SOX5: variants seen among roughly 807,000 people sequenced by gnomAD.
SOX5 encodes transcription factor SOX-5.
SOX5 carries 9 observed loss-of-function variants against 92.0 expected under a neutral mutation model. The observed-to-expected ratio is 0.10, with a 90% CI of 0.06 to 0.17. SOX5 has a LOEUF of 0.17. Ranked by LOEUF, SOX5 falls within the 10% of genes least tolerant of loss-of-function variation. The probability of loss-of-function intolerance (pLI) is 1.00; values close to 1 mark genes in which losing one functional copy is unlikely to be tolerated. For missense variants in SOX5, 642 were observed against 944.5 expected (o/e 0.68, Z 4.20); for synonymous variants, 344 against 336.3 (o/e 1.02, Z -0.25).
intron 3 of SOX5, among the ~76,000 whole-genome samples, chr12:24,267,905 G>T: frequency 6.6e-6 from 1 of 152,048 alleles, no homozygotes; most frequent in South Asian, 2.1e-4. Flanking sequence ...TAACTTTTGA[G>T]AGATTCTCAC....
At chr12:23,979,905 CTGGCTGGCCAGACAGA>C (rs771218444) in intron 4 of SOX5, among the ~76,000 whole-genome samples, 3 of 127,820 alleles carry the variant, frequency 2.3e-5, no homozygotes, top group Admixed American at 8.2e-5. Context: ...GGCTGGCTGG[CTGGCTGGCCAGACAGA>C]CAGACAGACA....
chr12:24,187,382 G>T (rs1956118339), intron 4 of SOX5, among the ~76,000 whole-genome samples: 1 of 152,132 alleles, frequency 6.6e-6, no homozygotes, highest in Non-Finnish European at 1.5e-5. Context: ...TTAAATATCT[G>T]CAAAAATATT....
chr12:23,731,713 C>A (rs2093400231), intron 6 of SOX5, among the ~76,000 whole-genome samples: 1 of 152,110 alleles, frequency 6.6e-6, no homozygotes. Flanking sequence ...ATCTGTCTAC[C>A]CCACTTGATG....
chr12:23,786,583 T>C (rs2095383217), intron 3 of SOX5, among the ~76,000 whole-genome samples: 1 of 145,864 alleles, frequency 6.9e-6, no homozygotes. Context: ...GAAATCATAG[T>C]GCTTTTGTAG....
rs1555114757 is a variant in SOX5 at position 23,530,798 on chromosome 12, A to AGTGTGTGTGTGTGTGTGCGT, written c.*3420_*3421insACGCACACACACACACACAC. 2.7e-5 allele frequency: 3 copies of AGTGTGTGTGTGTGTGTGCGT among 109,472 alleles called. No individual in the cohort carries two copies. The highest frequency in any genetic ancestry group is 5.8e-5 in the Non-Finnish European group (3 of 51,770). The allele number at this position is 109,472 out of a possible 1,614,324, so 6.8% of individuals were successfully genotyped here. On this transcript the variant is annotated 3_prime_UTR_variant, in exon 15 of 15. Coordinates refer to ENST00000451604, the MANE Select transcript of SOX5 (RefSeq NM_006940.6). ...AAGATTATTTCTCAGTGTTGGGGCA[A>AGTGTGTGTGTGTGTGTGCGT]GTGTGTGTGTGTGTGTGTGTGCGCG...
At chr12:24,338,980 A>G (rs1034995158) in intron 2 of SOX5, among the ~76,000 whole-genome samples, 1 of 152,126 alleles carries the variant, frequency 6.6e-6, no homozygotes, top group African/African-American at 2.4e-5. Flanking sequence ...ATTCATTCTT[A>G]TTTATTTCAC....
In SOX5 at chr12:24,408,449, C is replaced by T. The variant is rs142275952; in HGVS notation, c.-250-39810G>A. Among the ~76,000 whole-genome samples the T allele has an allele frequency of 7.0e-3, 1,071 of 152,274 alleles. 7 individuals are homozygous for T. The highest frequency in any genetic ancestry group is 0.013 in the Non-Finnish European group (861 of 68,028). ...GAACTATACTACATTGTCACAACCA[C>T]GATACTGACATTGACAGAGTCAAGA... is the stretch of plus-strand genomic sequence containing the variant. On this transcript the variant is annotated intron_variant, in intron 1 of 4. Coordinates refer to the SOX5 transcript ENST00000446891.
chr12:23,882,977 C>A (rs1282950069), intron 2 of SOX5, among the ~76,000 whole-genome samples: 1 of 151,960 alleles, frequency 6.6e-6, no homozygotes, highest in Non-Finnish European at 1.5e-5. Context: ...GTCAGGAGAT[C>A]GAGACCATCC....
intron 6 of SOX5, 82 bp from the exon 7 acceptor site, chr12:23,665,646 A>G: frequency 6.8e-7 from 1 of 1,462,534 alleles, no homozygotes; most frequent in Non-Finnish European, 9.2e-7. Context: ...TTCATGATAA[A>G]AGAAAATCAT....
chr12:24,062,284 C>T (rs1411736754), intron 4 of SOX5, among the ~76,000 whole-genome samples: 1 of 152,182 alleles, frequency 6.6e-6, no homozygotes, highest in Non-Finnish European at 1.5e-5. Context: ...TAGAATAAAG[C>T]TTAAAATGAT....
chr12:23,609,108 A>G (rs1052983317), intron 8 of SOX5, among the ~76,000 whole-genome samples: 1 of 152,164 alleles, frequency 6.6e-6, no homozygotes, highest in African/African-American at 2.4e-5. Context: ...AAGGCAGTAC[A>G]ATTAAAAGAA....
At chr12:24,232,605 C>G (rs1963621888) in intron 3 of SOX5, among the ~76,000 whole-genome samples, 1 of 152,116 alleles carries the variant, frequency 6.6e-6, no homozygotes, top group African/African-American at 2.4e-5. Context: ...TTGCTGATTT[C>G]TGGCTCTAAG....
At chr12:23,954,084 T>C (rs1945987231), upstream of SOX5, among the ~76,000 whole-genome samples, 3 of 152,066 alleles carry the variant, frequency 2.0e-5, no homozygotes, top group Non-Finnish European at 4.4e-5. Context: ...GCATTTCTAC[T>C]ATTTTTGTCC....
intron 1 of SOX5, among the ~76,000 whole-genome samples, chr12:24,523,988 G>A (rs570127007): frequency 4.6e-5 from 7 of 152,320 alleles, no homozygotes; most frequent in African/African-American, 1.7e-4. Context: ...CAAACTATAT[G>A]CGATGGTTAA....
intron 1 of SOX5, among the ~76,000 whole-genome samples, chr12:24,543,496 G>C (rs758459028): frequency 6.6e-6 from 1 of 152,206 alleles, no homozygotes; most frequent in African/African-American, 2.4e-5. Flanking sequence ...AGACCAGCCT[G>C]GCCAACATGG....
intron 2 of SOX5, among the ~76,000 whole-genome samples, chr12:24,317,737 TTCC>T (rs1949831621): frequency 6.6e-6 from 1 of 152,216 alleles, no homozygotes; most frequent in African/African-American, 2.4e-5. Context: ...TTCGTTTCCC[TTCC>T]ATCTATCAGC....
rs192632174 is a variant in SOX5, at chr12:24,255,446, A to G, written c.-77+21770T>C. Among the ~76,000 whole-genome samples, 155 of 152,300 alleles carry G rather than the reference A, an allele frequency of 1.0e-3. 1 individual carries two copies. Among genetic ancestry groups the G allele is most frequent in the African/African-American group, 3.5e-3 (144 of 41,558 alleles). The stretch of plus-strand genomic sequence containing the variant: ...TTAGCAAACCTTTAAGTACTACTCT[A>G]TGGCTGTATAATTTATCTTACCCCA... On this transcript the variant is annotated intron_variant, in intron 3 of 4. Coordinates refer to the SOX5 transcript ENST00000446891.
At chr12:24,289,653 CACCGTTTTAGCCGGG>C (rs1356329957) in intron 2 of SOX5, among the ~76,000 whole-genome samples, 1 of 127,712 alleles carries the variant, frequency 7.8e-6, no homozygotes, top group African/African-American at 3.9e-5. Flanking sequence ...GACGGGGTTT[CACCGTTTTAGCCGGG>C]ATGGTCTCGA....
intron 6 of SOX5, among the ~76,000 whole-genome samples, chr12:23,719,718 G>A (rs573058947): frequency 2.0e-3 from 277 of 136,446 alleles, no homozygotes; most frequent in African/African-American, 6.4e-3. Context: ...AATGAGTTAC[G>A]ATTGTGCCAC....
Sources: gnomAD v4.1 joint callset for allele counts (sites outside exome capture counted in the v4.1 genomes callset) on GRCh38, gnomAD v4.1.1 for gene constraint, MANE v1.5 for transcripts, NCBI Gene and HGNC (gene_info 2026-07-23, HGNC 2026-07-21) for gene names.